XYLT1: variants seen among roughly 807,000 people sequenced by gnomAD.
The protein encoded by XYLT1 is xylosyltransferase 1.
Under a neutral mutation model 91.3 loss-of-function variants are expected in XYLT1, and 36 were observed. The observed-to-expected ratio is 0.39, with a 90% CI of 0.30 to 0.52. The LOEUF (loss-of-function observed/expected upper bound fraction) is 0.52, where lower values mean the gene tolerates loss of function less well. Among genes scored for constraint, XYLT1 ranks in the 20% least tolerant of loss-of-function variants. The pLI is 0.68. For synonymous variants in XYLT1, 588 were observed against 532.0 expected (o/e 1.11, Z -1.45); for missense variants, 1,242 against 1,284.5 (o/e 0.97, Z 0.51).
chr16:17,433,713 G>A (rs1308675017), intron 1 of XYLT1, among the ~76,000 whole-genome samples: 1 of 152,180 alleles, frequency 6.6e-6, no homozygotes, highest in African/African-American at 2.4e-5. Flanking sequence ...TGGAATTTGG[G>A]CTCCAGCGAG....
At chr16:17,239,709 TCCAC>T (rs1440379728) in intron 3 of XYLT1, among the ~76,000 whole-genome samples, 1 of 150,908 alleles carries the variant, frequency 6.6e-6, no homozygotes, top group Non-Finnish European at 1.5e-5. Flanking sequence ...CATCCATCCA[TCCAC>T]CCACCGAGTC....
intron 3 of XYLT1, among the ~76,000 whole-genome samples, chr16:17,245,104 C>T (rs1359348495): frequency 2.0e-5 from 3 of 152,200 alleles, no homozygotes; most frequent in Non-Finnish European, 4.4e-5. Flanking sequence ...TGCCACTGCT[C>T]AGATGGGACT....
At chr16:17,188,101 A>T (rs1299414773) in intron 5 of XYLT1, among the ~76,000 whole-genome samples, 1 of 151,912 alleles carries the variant, frequency 6.6e-6, no homozygotes, top group Non-Finnish European at 1.5e-5. Context: ...GGGTTCAGGA[A>T]GCTCCTTATG....
chr16:17,204,448 C>T (rs566864172), intron 3 of XYLT1, among the ~76,000 whole-genome samples: 1 of 145,750 alleles, frequency 6.9e-6, no homozygotes, highest in African/African-American at 2.5e-5. Flanking sequence ...AAACCCAGAG[C>T]TCTTCTGAGT....
chr16:17,221,774 TATAAG>T (rs1368878411), intron 3 of XYLT1, among the ~76,000 whole-genome samples: 3 of 152,098 alleles, frequency 2.0e-5, no homozygotes, highest in Non-Finnish European at 4.4e-5. Flanking sequence ...TCAGATGACT[TATAAG>T]AGAGGAAGTT....
intron 2 of XYLT1, among the ~76,000 whole-genome samples, chr16:17,314,546 C>A (rs543473467): frequency 6.6e-6 from 1 of 152,146 alleles, no homozygotes; most frequent in Non-Finnish European, 1.5e-5. Flanking sequence ...TCCAAGAGAA[C>A]GCATACTGGG....
At chr16:17,354,239 C>T (rs2035262258) in intron 2 of XYLT1, among the ~76,000 whole-genome samples, 1 of 152,130 alleles carries the variant, frequency 6.6e-6, no homozygotes, top group Non-Finnish European at 1.5e-5. Context: ...AAGCTGACAC[C>T]AGGGATTTAA....
intron 1 of XYLT1, among the ~76,000 whole-genome samples, chr16:17,426,066 T>G (rs898177922): frequency 6.6e-6 from 1 of 152,330 alleles, no homozygotes; most frequent in African/African-American, 2.4e-5. Flanking sequence ...ATCCCATTAA[T>G]GACAGTATCT....
chr16:17,235,232 T>C (rs113089424), intron 3 of XYLT1, among the ~76,000 whole-genome samples: 3,404 of 152,198 alleles, frequency 0.022, 51 homozygotes, highest in Non-Finnish European at 0.033. Context: ...CAGACAAAGC[T>C]GTTCAAGTCA....
chr16:17,302,247 A>AT (rs1238491901), intron 2 of XYLT1, among the ~76,000 whole-genome samples: 3 of 152,062 alleles, frequency 2.0e-5, no homozygotes, highest in Non-Finnish European at 2.9e-5. Flanking sequence ...AATAATAATA[A>AT]AAAAATACAT....
intron 1 of XYLT1, among the ~76,000 whole-genome samples, chr16:17,401,027 C>A (rs2035962202): frequency 6.6e-6 from 1 of 151,748 alleles, no homozygotes; most frequent in Non-Finnish European, 1.5e-5. Flanking sequence ...TGTCTACAAT[C>A]TATTCTTCAG....
At chr16:17,169,220 C>G (rs1223410610) in intron 5 of XYLT1, among the ~76,000 whole-genome samples, 1 of 152,168 alleles carries the variant, frequency 6.6e-6, no homozygotes, top group African/African-American at 2.4e-5. Context: ...CACGAGCATT[C>G]AGGGGAGGCT....
intron 1 of XYLT1, among the ~76,000 whole-genome samples, chr16:17,452,742 G>A (rs2036683189): frequency 6.6e-6 from 1 of 152,148 alleles, no homozygotes. Context: ...AAGCCTGGAA[G>A]TTTTCTACTT....
At chr16:17,137,633 C>T (rs1383880056) in intron 8 of XYLT1, 1 of 150,758 alleles carries the variant, frequency 6.6e-6, no homozygotes, top group African/African-American at 2.5e-5. Context: ...ATGAGCATTC[C>T]CCACCCTCCT....
Position 17,108,371 on chromosome 16 carries a change from A to T in XYLT1, c.*324T>A. ...AAACGAAGTTCTGCTGCTCGAAAGA[A>T]AAGTCTGAAAATCACACGTCTGGGG... On this transcript the variant is annotated 3_prime_UTR_variant, in exon 12 of 12. Coordinates refer to ENST00000261381, the MANE Select transcript of XYLT1 (RefSeq NM_022166.4). The T allele has an allele frequency of 3.6e-6, 1 of 281,162 alleles. No individual in the cohort carries two copies. The highest frequency in any genetic ancestry group is 6.6e-6 in the Non-Finnish European group (1 of 150,906). The allele number at this position is 281,162 out of a possible 1,614,324, so 17.4% of individuals were successfully genotyped here.
chr16:17,366,264 A>G (rs1484480321), intron 1 of XYLT1, among the ~76,000 whole-genome samples: 1 of 152,230 alleles, frequency 6.6e-6, no homozygotes, highest in African/African-American at 2.4e-5. Flanking sequence ...TGCAAGCAAC[A>G]GAATTTATCA....
chr16:17,354,796 C>T (rs4781991), intron 2 of XYLT1: 57,762 of 152,144 alleles, frequency 0.38, 12,436 homozygotes, highest in African/African-American at 0.59. Flanking sequence ...CAGAAAGGGA[C>T]CTGACCCCCT....
intron 5 of XYLT1, among the ~76,000 whole-genome samples, chr16:17,175,577 T>C (rs1446589462): frequency 6.6e-6 from 1 of 152,190 alleles, no homozygotes; most frequent in Non-Finnish European, 1.5e-5. Context: ...GCAGGCGTGG[T>C]CATGGAGCCG....
chr16:17,408,509 G>A (rs779850184), intron 1 of XYLT1, among the ~76,000 whole-genome samples: 5 of 152,152 alleles, frequency 3.3e-5, no homozygotes, highest in African/African-American at 9.7e-5. Flanking sequence ...TTCAAGCCTC[G>A]TTGCCTAGCA....
Sources: allele counts gnomAD v4.1 joint callset (sites outside exome capture counted in the v4.1 genomes callset), GRCh38; gene constraint gnomAD v4.1.1; transcripts MANE v1.5; gene names NCBI Gene and HGNC (gene_info 2026-07-23, HGNC 2026-07-21).